Variants in PLAUR observed in about 807,000 individuals in gnomAD.
The protein encoded by PLAUR is urokinase plasminogen activator surface receptor.
In PLAUR, 22 loss-of-function variants were observed where a neutral mutation model predicts 33.4. The observed-to-expected ratio is 0.66, with a 90% CI of 0.47 to 0.94. PLAUR has a LOEUF of 0.94. Ranked by LOEUF, PLAUR falls within the 40% of genes least tolerant of loss-of-function variation. The pLI, the probability that PLAUR is intolerant of heterozygous loss-of-function variation, is 0.00. For missense variants in PLAUR, 408 were observed against 434.7 expected (o/e 0.94, Z 0.55); for synonymous variants, 148 against 167.3 (o/e 0.88, Z 0.89).
At chr19:43,657,969 G>A (rs1250349140) in intron 3 of PLAUR, among the ~76,000 whole-genome samples, 2 of 151,978 alleles carry the variant, frequency 1.3e-5, no homozygotes, top group East Asian at 1.9e-4. Context: ...TTGGGAGGCC[G>A]AGGTGGGAGG....
chr19:43,652,972 T>C (rs1974058821), intron 5 of PLAUR, among the ~76,000 whole-genome samples: 1 of 151,922 alleles, frequency 6.6e-6, no homozygotes, highest in East Asian at 1.9e-4. Flanking sequence ...GTTATTACTA[T>C]TATTATTACT....
intron 3 of PLAUR, among the ~76,000 whole-genome samples, chr19:43,659,501 T>C (rs1394259334): frequency 6.6e-6 from 1 of 152,112 alleles, no homozygotes; most frequent in Non-Finnish European, 1.5e-5. Context: ...GACTCTCTCA[T>C]GGGGTAAATA....
chr19:43,666,241 T>C (rs1247544323), intron 2 of PLAUR, among the ~76,000 whole-genome samples: 1 of 152,088 alleles, frequency 6.6e-6, no homozygotes, highest in Non-Finnish European at 1.5e-5. Flanking sequence ...TATACTGTTG[T>C]TTCATGTGTT....
At chr19:43,669,977 C>A in intron 1 of PLAUR, 89 bp downstream of exon 1, 3 of 1,243,184 alleles carry the variant, frequency 2.4e-6, no homozygotes, top group East Asian at 4.8e-5. Flanking sequence ...GAGGACTGAA[C>A]CGCATTCCTC....
intron 1 of PLAUR, 62 bp from the exon 2 acceptor site, chr19:43,667,753 AC>A: frequency 6.3e-7 from 1 of 1,577,330 alleles, no homozygotes; most frequent in Non-Finnish European, 8.6e-7. Flanking sequence ...ACCCCCGCTC[AC>A]CCCTGCATGT....
chr19:43,665,266 T>G, intron 3 of PLAUR, 50 bp downstream of exon 3: 4 of 1,585,150 alleles, frequency 2.5e-6, no homozygotes, highest in Non-Finnish European at 3.5e-6. Context: ...ATGATGAGGT[T>G]GAGCTGGGGA....
intron 4 of PLAUR, among the ~76,000 whole-genome samples, chr19:43,656,026 G>T (rs1057029943): frequency 6.6e-6 from 1 of 152,014 alleles, no homozygotes; most frequent in Non-Finnish European, 1.5e-5. Flanking sequence ...AGGTTGAGGC[G>T]GGTGGATCAC....
At chr19:43,652,745 G>A (rs553033518) in intron 5 of PLAUR, among the ~76,000 whole-genome samples, 87 of 152,190 alleles carry the variant, frequency 5.7e-4, no homozygotes, top group African/African-American at 2.0e-3. Flanking sequence ...CGACCACCCC[G>A]GCTCAAGAGA....
At chr19:43,664,195 G>A (rs1255809792) in intron 3 of PLAUR, among the ~76,000 whole-genome samples, 3 of 151,582 alleles carry the variant, frequency 2.0e-5, no homozygotes, top group African/African-American at 2.4e-5. Context: ...CCCCACCAGC[G>A]GATTAGTGTT....
chr19:43,659,161 TC>T (rs1974331548), intron 3 of PLAUR, among the ~76,000 whole-genome samples: 3 of 44,852 alleles, frequency 6.7e-5, no homozygotes, highest in South Asian at 2.0e-3. Context: ...CTTTTTCTTT[TC>T]TTTTCTTTTT....
intron 4 of PLAUR, among the ~76,000 whole-genome samples, chr19:43,656,254 C>CA (rs1259475481): frequency 5.2e-4 from 77 of 148,330 alleles, no homozygotes; most frequent in South Asian, 1.7e-3. Context: ...GACTCTGTCT[C>CA]AAAAAATAAA....
At chr19:43,649,259 G>T in intron 6 of PLAUR, 116 bp from the exon 7 acceptor site, 1 of 1,206,306 alleles carries the variant, frequency 8.3e-7, no homozygotes, top group Non-Finnish European at 1.2e-6. Context: ...CCTAGAGAAA[G>T]CAGCAGTTCT....
chr19:43,658,042 TAA>T (rs796280819), intron 3 of PLAUR, among the ~76,000 whole-genome samples: 235 of 142,778 alleles, frequency 1.6e-3, no homozygotes, highest in African/African-American at 5.7e-3. Flanking sequence ...GTCTTTAAAT[TAA>T]AAAAAAAAAA....
chr19:43,660,863 T>G (rs1007175845), intron 3 of PLAUR: 1 of 151,362 alleles, frequency 6.6e-6, no homozygotes, highest in Non-Finnish European at 1.5e-5. Flanking sequence ...CCACAGAGAG[T>G]CAGGTTTTCA....
At chr19:43,656,937 T>G in intron 3 of PLAUR, 1 of 208,818 alleles carries the variant, frequency 4.8e-6, no homozygotes, top group Non-Finnish European at 9.4e-6. Context: ...GAAACATTTC[T>G]TTCCTTTTTT....
intron 1 of PLAUR, 158 bp from the exon 2 acceptor site, chr19:43,667,849 G>A: frequency 6.9e-7 from 1 of 1,452,758 alleles, no homozygotes; most frequent in Non-Finnish European, 9.1e-7. Context: ...GGTACTTCCA[G>A]TCTGTCCGTT....
At chr19:43,667,947 C>T in intron 1 of PLAUR, 1 of 1,344,504 alleles carries the variant, frequency 7.4e-7, no homozygotes, top group Non-Finnish European at 9.6e-7. Flanking sequence ...CCCGTTTTTC[C>T]TTTCATTCTG....
At position 43,649,033 on chromosome 19, in the gene PLAUR, T is replaced by G; in HGVS notation, c.865A>C (p.Thr289Pro). The change falls in exon 7 of 7, where the codon ACT becomes CCT. Residue 289 changes from threonine to proline, a missense_variant. Thr to Pro is a conservative substitution (Grantham distance 38, BLOSUM62 -1). Coordinates refer to ENST00000340093, the MANE Select transcript of PLAUR (RefSeq NM_002659.4). ...TCTGGGTGGTTACAGCCACTTTTAG[T>G]ACAGCAGGAGACATCAATGTGGTTC... ...SMNHIDVSCCTKSGCNHPDLD... is the reference protein window; with the variant it reads ...SMNHIDVSCCPKSGCNHPDLD... 6.2e-7 allele frequency: 1 copy of G among 1,614,158 alleles called. No homozygotes were observed. The highest frequency in any genetic ancestry group is 8.5e-7 in the Non-Finnish European group (1 of 1,180,016).
At chr19:43,663,809 A>C (rs916542184) in intron 3 of PLAUR, among the ~76,000 whole-genome samples, 17 of 150,308 alleles carry the variant, frequency 1.1e-4, no homozygotes, top group Non-Finnish European at 2.2e-4. Context: ...AAAAAAAAAA[A>C]CAAAAACAAA....
Sources: allele counts gnomAD v4.1 joint callset (sites outside exome capture counted in the v4.1 genomes callset), GRCh38; gene constraint gnomAD v4.1.1; transcripts MANE v1.5; gene names NCBI Gene and HGNC (gene_info 2026-07-23, HGNC 2026-07-21).